The following EDIL3 variants were observed in gnomAD, a reference collection of about 807,000 sequenced individuals.
The protein encoded by EDIL3 is EGF like and discoidin domains 3.
A neutral mutation model predicts 67.4 loss-of-function variants in EDIL3; 37 were observed. The observed-to-expected ratio is 0.55, with a 90% CI of 0.42 to 0.72. EDIL3 has a LOEUF of 0.72. Ranked by LOEUF, EDIL3 falls within the 30% of genes least tolerant of loss-of-function variation. EDIL3 has a pLI of 0.00. For missense variants in EDIL3, 527 were observed against 586.3 expected, an observed-to-expected ratio of 0.90 and a Z score of 1.04; for synonymous variants, 195 against 196.3, an observed-to-expected ratio of 0.99 and a Z score of 0.05.
intron 1 of EDIL3, among the ~76,000 whole-genome samples, chr5:84,342,629 G>C (rs771385244): frequency 2.0e-5 from 3 of 151,818 alleles, no homozygotes; most frequent in Non-Finnish European, 4.4e-5. Flanking sequence ...GTATTTAAAC[G>C]TAACAGCCTT....
chr5:84,315,854 C>A (rs1746502192), intron 1 of EDIL3, among the ~76,000 whole-genome samples: 1 of 152,092 alleles, frequency 6.6e-6, no homozygotes, highest in Non-Finnish European at 1.5e-5. Context: ...TAAGGGCAGC[C>A]AGAGAGAAAG....
At chr5:84,230,969 G>A (rs538064993) in intron 2 of EDIL3, among the ~76,000 whole-genome samples, 4 of 152,180 alleles carry the variant, frequency 2.6e-5, no homozygotes, top group African/African-American at 4.8e-5. Flanking sequence ...GCCACAATAC[G>A]AAAATACAAT....
At chr5:84,070,823 T>C (rs189879782) in intron 6 of EDIL3, among the ~76,000 whole-genome samples, 1 of 152,220 alleles carries the variant, frequency 6.6e-6, no homozygotes, top group East Asian at 1.9e-4. Context: ...AAAACTATGG[T>C]AAAGCCTTAG....
Position 84,009,651 on chromosome 5 carries a change from C to G in EDIL3, c.1138-46291G>C, listed in dbSNP as rs376967908. 1.6e-4 allele frequency among the ~76,000 whole-genome samples: 24 copies of G among 152,188 alleles called. No individual in the cohort carries two copies. The South Asian group carries it at 4.4e-3, about 28-fold the overall frequency. On this transcript the variant is annotated intron_variant, in intron 9 of 10. Transcript: ENST00000296591. ...TGACATTAATGATATCGAGAGCTGTCAAGAGTGAAGAGCCCTGTCATGAGT... is the reference window on the plus strand; with the variant it reads ...TGACATTAATGATATCGAGAGCTGTGAAGAGTGAAGAGCCCTGTCATGAGT...
chr5:84,235,018 A>G (rs1165697710), intron 2 of EDIL3, among the ~76,000 whole-genome samples: 1 of 152,164 alleles, frequency 6.6e-6, no homozygotes, highest in Non-Finnish European at 1.5e-5. Context: ...TACTAAAATT[A>G]GAGTAAACTA....
intron 9 of EDIL3, among the ~76,000 whole-genome samples, chr5:84,004,512 C>T (rs577291486): frequency 4.0e-5 from 6 of 151,718 alleles, no homozygotes; most frequent in Admixed American, 3.3e-4. Context: ...ATATGAAGTA[C>T]AATAAATCAA....
intron 9 of EDIL3, among the ~76,000 whole-genome samples, chr5:84,047,423 A>G (rs1013415333): frequency 6.6e-6 from 1 of 152,094 alleles, no homozygotes; most frequent in Non-Finnish European, 1.5e-5. Flanking sequence ...AGGTAGGGGC[A>G]ATATTTTGAG....
chr5:84,140,309 G>A (rs532816990), intron 4 of EDIL3, among the ~76,000 whole-genome samples: 101 of 152,282 alleles, frequency 6.6e-4, no homozygotes, highest in Admixed American at 1.6e-3. Flanking sequence ...GATTTGTAAT[G>A]TTAATAGAAG....
intron 1 of EDIL3, among the ~76,000 whole-genome samples, chr5:84,340,526 C>CTG (rs1747083489): frequency 1.4e-5 from 1 of 72,396 alleles, no homozygotes; most frequent in Non-Finnish European, 3.2e-5. Flanking sequence ...CTCTCTCTCT[C>CTG]TCTCTCTCTA....
intron 1 of EDIL3, among the ~76,000 whole-genome samples, chr5:84,372,179 C>A (rs979663810): frequency 6.6e-6 from 1 of 151,934 alleles, no homozygotes. Context: ...GCTACTTGGA[C>A]GGATTCCAAA....
rs564142034 is a variant in EDIL3, at chr5:84,384,263, T to C, written c.67+45A>G. On this transcript the variant is annotated intron_variant, in intron 1 of 10. Transcript: ENST00000296591. Reference sequence around the variant, plus strand: ...CCCTGCGCGGCGTTTCTCAGGGGACTCCCAGCCCATCCCTCACCCAGCTGT... The same window carrying C: ...CCCTGCGCGGCGTTTCTCAGGGGACCCCCAGCCCATCCCTCACCCAGCTGT... 1.6e-5 allele frequency: 25 copies of C among 1,598,178 alleles called. No individual in the cohort carries two copies. The South Asian group carries it at 2.8e-4, about 18-fold the overall frequency.
rs73769779 is a variant in EDIL3 at position 84,233,832 on chromosome 5, G to A, written c.197-3948C>T. 5.0e-3 allele frequency among the ~76,000 whole-genome samples: 761 copies of A among 152,250 alleles called. 3 individuals are homozygous for A. Among genetic ancestry groups the A allele is most frequent in the African/African-American group, 0.018 (728 of 41,554 alleles). On this transcript the variant is annotated intron_variant, in intron 2 of 10. Transcript: ENST00000296591. Reference sequence around the variant, plus strand: ...GACACAGAGGCTTGTGGCCCCAGAAGTCATTGGCATGCACCTTGCAACCAT... The same window carrying A: ...GACACAGAGGCTTGTGGCCCCAGAAATCATTGGCATGCACCTTGCAACCAT...
intron 1 of EDIL3, among the ~76,000 whole-genome samples, chr5:84,320,927 ATTCCCT>A (rs924810095): frequency 2.0e-5 from 3 of 152,162 alleles, no homozygotes; most frequent in African/African-American, 7.2e-5. Flanking sequence ...TTAAGAAAGA[ATTCCCT>A]TTGATTTTAC....
chr5:84,047,208 C>A (rs1746239808), intron 9 of EDIL3, among the ~76,000 whole-genome samples: 1 of 152,144 alleles, frequency 6.6e-6, no homozygotes, highest in South Asian at 2.1e-4. Flanking sequence ...ATTTCCTTCT[C>A]TTTGGCACCA....
chr5:84,287,029 A>C (rs1745819547), intron 1 of EDIL3, among the ~76,000 whole-genome samples: 1 of 152,282 alleles, frequency 6.6e-6, no homozygotes, highest in African/African-American at 2.4e-5. Flanking sequence ...CCTCTACCTG[A>C]AATGCTTGTA....
chr5:84,240,218 T>G (rs1580393112), intron 2 of EDIL3, among the ~76,000 whole-genome samples: 1 of 152,166 alleles, frequency 6.6e-6, no homozygotes, highest in Non-Finnish European at 1.5e-5. Context: ...TAGAAAAATG[T>G]ACAATTTAAA....
chr5:84,190,742 T>A (rs1283221956), intron 3 of EDIL3, among the ~76,000 whole-genome samples: 1 of 151,892 alleles, frequency 6.6e-6, no homozygotes, highest in African/African-American at 2.4e-5. Flanking sequence ...TTCAGGCTCC[T>A]ACTCAACTTG....
rs575830165 is a variant in EDIL3 at position 84,095,009 on chromosome 5, C to T, written c.651+11640G>A. ...ATCTTTCCTCATTTTCTTCACTGTTCTTTCCTCTCCCTCCAGCCTAGGTGG... is the reference window on the plus strand; with the variant it reads ...ATCTTTCCTCATTTTCTTCACTGTTTTTTCCTCTCCCTCCAGCCTAGGTGG... On this transcript the variant is annotated intron_variant, in intron 6 of 10. Coordinates refer to ENST00000296591, the MANE Select transcript of EDIL3 (RefSeq NM_005711.5). 2.0e-5 allele frequency among the ~76,000 whole-genome samples: 3 copies of T among 152,276 alleles called. No homozygotes were observed. In the South Asian group the frequency reaches 6.2e-4, roughly 32 times the overall value.
chr5:84,103,309 G>A (rs1159017024), intron 6 of EDIL3, among the ~76,000 whole-genome samples: 1 of 152,004 alleles, frequency 6.6e-6, no homozygotes, highest in African/African-American at 2.4e-5. Context: ...AGAGGAAATG[G>A]CAAATATTTC....
Sources: gnomAD v4.1 joint callset for allele counts (sites outside exome capture counted in the v4.1 genomes callset) on GRCh38, gnomAD v4.1.1 for gene constraint, MANE v1.5 for transcripts, NCBI Gene and HGNC (gene_info 2026-07-23, HGNC 2026-07-21) for gene names.